DNAH12: variants seen among roughly 807,000 people sequenced by gnomAD.
The protein encoded by DNAH12 is axonemal beta dynein heavy chain 12.
Under a neutral mutation model 371.5 loss-of-function variants are expected in DNAH12, and 285 were observed. The ratio of observed to expected loss-of-function variants is 0.77; its 90% CI spans 0.70 to 0.85. The LOEUF (loss-of-function observed/expected upper bound fraction) is 0.85. DNAH12 is among the 40% of genes least tolerant of loss of function. The pLI is 0.00. For missense variants in DNAH12, 3,611 were observed against 3,689.4 expected (o/e 0.98, Z 0.55); for synonymous variants, 1,200 against 1,213.0 (o/e 0.99, Z 0.22).
rs1313518937 is a variant in DNAH12, at chr3:57,502,454, A to G, written c.1112T>C (p.Leu371Pro). The part of the protein sequence containing the change: ...LQNVQTIPSW[L>P]SGTSTPVNLD... ...ATTTACTGGTGTTGAAGTTCCTGAT[A>G]GCCAAGAGGGGATTGTTTGGACATT... The change falls in exon 10 of 74, where the codon CTA (leucine) becomes CCA (proline). Residue 371 changes from leucine (L) to proline (P), a missense_variant. Transcript: ENST00000495027. 1 of 1,614,096 alleles carries G rather than the reference A, an allele frequency of 6.2e-7. No homozygotes were observed. The highest frequency in any genetic ancestry group is 8.5e-7 in the Non-Finnish European group (1 of 1,180,036).
In DNAH12 at chr3:57,410,599, C is replaced by G. The variant is rs2064170766; in HGVS notation, c.6021-2064G>C. ...TTTAGGAGGCCAAGGTGGTGGATCA[C>G]TTGAGGTCAGAAGATCAAGACCAGC... On this transcript the variant is annotated intron_variant, in intron 39 of 73. Coordinates refer to ENST00000495027, the MANE Select transcript of DNAH12 (RefSeq NM_001366028.2). 2.6e-5 allele frequency among the ~76,000 whole-genome samples: 4 copies of G among 151,822 alleles called. No homozygotes were observed. In the South Asian group the frequency reaches 8.3e-4, roughly 31 times the overall value.
chr3:57,310,003 C>T (rs2061554386), intron 67 of DNAH12, 149 bp from the exon 68 acceptor site: 1 of 629,962 alleles, frequency 1.6e-6, no homozygotes, highest in Admixed American at 3.4e-5. Context: ...AAAGAGGTCT[C>T]TGCCCTCCCC....
At chr3:57,468,591 A>AGCAAGACC (rs1440785186) in intron 17 of DNAH12, 145 bp downstream of exon 17, 3 of 464,716 alleles carry the variant, frequency 6.5e-6, no homozygotes, top group African/African-American at 6.1e-5. Context: ...TGGGAAATAG[A>AGCAAGACC]GCAAGACCCT....
intron 69 of DNAH12, among the ~76,000 whole-genome samples, chr3:57,307,219 G>C (rs566257910): frequency 7.1e-6 from 1 of 141,434 alleles, no homozygotes; most frequent in Admixed American, 6.9e-5. Context: ...CCTAGGCATG[G>C]TTAGATACGA....
intron 65 of DNAH12, among the ~76,000 whole-genome samples, chr3:57,316,543 C>T (rs985679213): frequency 1.3e-5 from 2 of 152,142 alleles, no homozygotes; most frequent in Admixed American, 1.3e-4. Context: ...CAAATCCCAC[C>T]TCCAACACTG....
At position 57,433,386 on chromosome 3, in the gene DNAH12, A is replaced by G; in HGVS notation, c.4961T>C (p.Val1654Ala). ...DTLWIESMNTVLDDNKKLCLM... is the reference protein window; with the variant it reads ...DTLWIESMNTALDDNKKLCLM... Reference sequence around the variant, plus strand: ...ATTTACCTTTTTATTATCATCCAATACTGTGTTCATGCTCTCTATCCACAA... The same window carrying G: ...ATTTACCTTTTTATTATCATCCAATGCTGTGTTCATGCTCTCTATCCACAA... The change falls in exon 32 of 74, where the codon GTA (valine) becomes GCA (alanine). Residue 1654 changes from valine (V) to alanine (A), a missense_variant. Val to Ala is a moderately conservative substitution (Grantham distance 64, BLOSUM62 0). Around this residue, in one of 3 missense-constraint regions of DNAH12, gnomAD observed 2,266 missense variants for 2,236.9 expected, o/e 1.01. Coordinates refer to ENST00000495027, the MANE Select transcript of DNAH12 (RefSeq NM_001366028.2). 6.4e-7 allele frequency: 1 copy of G among 1,551,044 alleles called. No homozygotes were observed. Among genetic ancestry groups the G allele is most frequent in the South Asian group, 1.2e-5 (1 of 83,844 alleles).
At chr3:57,325,192 C>T (rs1245028452) in intron 62 of DNAH12, among the ~76,000 whole-genome samples, 1 of 152,194 alleles carries the variant, frequency 6.6e-6, no homozygotes, top group Non-Finnish European at 1.5e-5. Flanking sequence ...CTTAAATGTC[C>T]CTGTCTGACA....
At chr3:57,383,561 T>G (rs1327158938) in intron 49 of DNAH12, among the ~76,000 whole-genome samples, 2 of 149,410 alleles carry the variant, frequency 1.3e-5, no homozygotes, top group Non-Finnish European at 3.0e-5. Flanking sequence ...TGCAGAAAGA[T>G]CACAGGGTAA....
Position 57,363,551 on chromosome 3 carries a change from T to C in DNAH12, c.9360+43A>G, listed in dbSNP as rs1000514334. The C allele has an allele frequency of 1.9e-4, 29 of 152,294 alleles. No homozygotes were observed. The East Asian group carries it at 4.6e-3, about 24-fold the overall frequency. The allele number at this position is 152,294 out of a possible 1,614,324, so 9.4% of individuals were successfully genotyped here. On this transcript the variant is annotated intron_variant, in intron 58 of 73. Transcript: ENST00000495027. The stretch of plus-strand genomic sequence containing the variant: ...TCAGGATCTTAAGATTTCTTAATAA[T>C]CTTAAGATTTAAATCAAAAGACTTC...
In DNAH12 at chr3:57,334,959, G is replaced by C. The variant is rs1035381938; in HGVS notation, c.9675-19C>G. On this transcript the variant is annotated intron_variant, in intron 60 of 73. Coordinates refer to ENST00000495027, the MANE Select transcript of DNAH12 (RefSeq NM_001366028.2). ...CCTTGCCCTGTATTCCCAAAATAAG[G>C]ACTGTTATATAATTGTTGATTTTAA... 1.2e-5 allele frequency: 19 copies of C among 1,536,386 alleles called. No homozygotes were observed. The highest frequency in any genetic ancestry group is 1.7e-5 in the Non-Finnish European group (19 of 1,142,692).
At chr3:57,335,986 T>G (rs1422153872) in intron 60 of DNAH12, among the ~76,000 whole-genome samples, 3 of 152,214 alleles carry the variant, frequency 2.0e-5, no homozygotes, top group South Asian at 2.1e-4. Flanking sequence ...ACAAGTCGTC[T>G]TCTTTTTTTT....
At chr3:57,334,190 T>C (rs1354301243) in intron 62 of DNAH12, among the ~76,000 whole-genome samples, 1 of 152,238 alleles carries the variant, frequency 6.6e-6, no homozygotes, top group Non-Finnish European at 1.5e-5. Flanking sequence ...AAGTATCAAT[T>C]ACATTATATT....
chr3:57,393,831 A>T (rs1382554108), intron 44 of DNAH12, among the ~76,000 whole-genome samples: 7 of 152,050 alleles, frequency 4.6e-5, no homozygotes, highest in African/African-American at 1.7e-4. Flanking sequence ...AACCACAAAG[A>T]CTAATAAAGT....
chr3:57,548,609 G>C (rs941111149), upstream of DNAH12, among the ~76,000 whole-genome samples: 2 of 152,100 alleles, frequency 1.3e-5, no homozygotes, highest in African/African-American at 2.4e-5. Context: ...GGCAGACTGA[G>C]GGGGGAGGAT....
Position 57,452,931 on chromosome 3 carries a change from T to C in DNAH12, c.3698A>G (p.Asn1233Ser). Residue 1233 changes from asparagine (N) to serine (S), a missense_variant, in exon 25 of 74, where the codon AAT (asparagine) becomes AGT (serine). Physicochemically the swap from Asn to Ser is conservative, Grantham distance 46. Around this residue, in one of 3 missense-constraint regions of DNAH12, gnomAD observed 2,266 missense variants for 2,236.9 expected, o/e 1.01. Coordinates refer to ENST00000495027, the MANE Select transcript of DNAH12 (RefSeq NM_001366028.2). ...TTCATAAGCATATTTTACATTGCAA[T>C]TAATGATACGAACTCGGGCATTCTC... ...ENENARVRII[N>S]CNVKYAYEYL... 6.4e-7 allele frequency: 1 copy of C among 1,551,460 alleles called. No individual in the cohort carries two copies. The highest frequency in any genetic ancestry group is 8.7e-7 in the Non-Finnish European group (1 of 1,146,944).
intron 60 of DNAH12, among the ~76,000 whole-genome samples, chr3:57,346,697 T>C (rs1216044174): frequency 3.3e-5 from 5 of 152,118 alleles, no homozygotes; most frequent in African/African-American, 1.2e-4. Flanking sequence ...CCCAACTATA[T>C]GCTGTCTACA....
chr3:57,310,664 G>T, intron 67 of DNAH12, 53 bp downstream of exon 67: 1 of 1,220,448 alleles, frequency 8.2e-7, no homozygotes, highest in Admixed American at 2.1e-5. Flanking sequence ...TTCACCATTT[G>T]CTGTTAGAAA....
Position 57,458,612 on chromosome 3 carries a change from G to A in DNAH12, c.2932-392C>T, listed in dbSNP as rs1324799095. 3.9e-5 allele frequency among the ~76,000 whole-genome samples: 6 copies of A among 152,118 alleles called. No homozygotes were observed. In the East Asian group the frequency reaches 7.7e-4, roughly 20 times the overall value. On this transcript the variant is annotated intron_variant, in intron 20 of 73. Coordinates refer to ENST00000495027, the MANE Select transcript of DNAH12 (RefSeq NM_001366028.2). ...ACATCCTGCAGACCAAATCCAGTCT[G>A]TTGTCAGTTTTTGTATAAGTTGTAA...
rs1189797788 is a variant in DNAH12 at position 57,340,152 on chromosome 3, T to C, written c.9675-5212A>G. Among the ~76,000 whole-genome samples, 6 of 152,174 alleles carry C rather than the reference T, an allele frequency of 3.9e-5. No individual in the cohort carries two copies. The South Asian group carries it at 8.3e-4, about 21-fold the overall frequency. Reference sequence around the variant, plus strand: ...GTATGGGACACAACAAAAGCCATGTTTATAGCAAGTTTACAGCAAGTATAG... The same window carrying C: ...GTATGGGACACAACAAAAGCCATGTCTATAGCAAGTTTACAGCAAGTATAG... On this transcript the variant is annotated intron_variant, in intron 60 of 73. Coordinates refer to ENST00000495027, the MANE Select transcript of DNAH12 (RefSeq NM_001366028.2).
Sources: allele counts gnomAD v4.1 joint callset (sites outside exome capture counted in the v4.1 genomes callset), GRCh38; gene constraint gnomAD v4.1.1; regional missense constraint gnomAD v4.1.1; transcripts MANE v1.5; gene names NCBI Gene and HGNC (gene_info 2026-07-23, HGNC 2026-07-21).